SCD5: variants seen among roughly 807,000 people sequenced by gnomAD.
SCD5 encodes stearoyl-CoA desaturase 5.
A neutral mutation model predicts 30.4 loss-of-function variants in SCD5; 20 were observed. The ratio of observed to expected loss-of-function variants is 0.66; its 90% CI spans 0.46 to 0.96. The LOEUF is 0.96. SCD5 is among the 40% of genes least tolerant of loss of function. The pLI is 0.00. For missense variants in SCD5, 381 were observed against 443.3 expected, an observed-to-expected ratio of 0.86 and a Z score of 1.26; for synonymous variants, 173 against 176.4, an observed-to-expected ratio of 0.98 and a Z score of 0.16.
intron 1 of SCD5, among the ~76,000 whole-genome samples, chr4:82,786,207 G>A (rs1053932080): frequency 6.6e-5 from 10 of 152,168 alleles, no homozygotes; most frequent in Admixed American, 2.6e-4. Context: ...CTTACACAAC[G>A]GGTGGCCCAG....
intron 3 of SCD5, among the ~76,000 whole-genome samples, chr4:82,664,997 C>CTATATATATATA (rs1434283229): frequency 5.4e-4 from 43 of 79,380 alleles, no homozygotes; most frequent in African/African-American, 2.2e-3. Context: ...CTCTCTCTCT[C>CTATATATATATA]TCTATATATA....
At chr4:82,759,602 T>G (rs1721311170) in intron 1 of SCD5, among the ~76,000 whole-genome samples, 1 of 150,770 alleles carries the variant, frequency 6.6e-6, no homozygotes, top group Non-Finnish European at 1.5e-5. Flanking sequence ...CCACTTGATT[T>G]CAGGTGTTCC....
At position 82,630,121 on chromosome 4, in the gene SCD5, C is replaced by T. The variant is rs1727255123; in HGVS notation, c.*1206G>A. The T allele has an allele frequency of 6.6e-6, 1 of 152,152 alleles. No homozygotes were observed. The highest frequency in any genetic ancestry group is 2.4e-5 in the African/African-American group (1 of 41,430). The allele number at this position is 152,152 out of a possible 1,614,324, so 9.4% of individuals were successfully genotyped here. ...ATGTCTGGCATGTCAGAGTTATACA[C>T]CTTTAAGATAACAATAGCAAACAGA... On this transcript the variant is annotated 3_prime_UTR_variant, in exon 5 of 5. Coordinates refer to ENST00000319540, the MANE Select transcript of SCD5 (RefSeq NM_001037582.3).
At chr4:82,712,364 C>T (rs1720129537) in intron 1 of SCD5, among the ~76,000 whole-genome samples, 1 of 136,686 alleles carries the variant, frequency 7.3e-6, no homozygotes, top group Non-Finnish European at 1.6e-5. Context: ...TCCGCCCAGG[C>T]TGGAGTGCAA....
intron 1 of SCD5, among the ~76,000 whole-genome samples, chr4:82,796,261 C>A (rs1259511175): frequency 6.9e-6 from 1 of 144,572 alleles, no homozygotes; most frequent in Non-Finnish European, 1.5e-5. Context: ...CAGAGCGAGA[C>A]TCTGTCTCAA....
intron 2 of SCD5, among the ~76,000 whole-genome samples, chr4:82,701,160 A>G (rs181851936): frequency 6.6e-6 from 1 of 152,364 alleles, no homozygotes; most frequent in Admixed American, 6.5e-5. Context: ...GAAGTGGTAC[A>G]GTGTTATTTG....
At chr4:82,795,809 C>CAA (rs72115040) in intron 1 of SCD5, among the ~76,000 whole-genome samples, 2,598 of 43,862 alleles carry the variant, frequency 0.059, 742 homozygotes, top group African/African-American at 0.14. Context: ...CCCTGTCTCA[C>CAA]AAAAAAAAAA....
intron 1 of SCD5, among the ~76,000 whole-genome samples, chr4:82,723,585 T>C (rs1171063769): frequency 6.6e-6 from 1 of 152,250 alleles, no homozygotes; most frequent in Non-Finnish European, 1.5e-5. Context: ...TGATAAAGCT[T>C]AAAAATTAAA....
intron 1 of SCD5, among the ~76,000 whole-genome samples, chr4:82,776,684 G>C (rs866669364): frequency 2.0e-5 from 3 of 152,170 alleles, no homozygotes. Flanking sequence ...CAAGACACCA[G>C]AGGCATTTCT....
At chr4:82,683,928 A>G (rs1463087905) in intron 2 of SCD5, among the ~76,000 whole-genome samples, 2 of 152,182 alleles carry the variant, frequency 1.3e-5, no homozygotes, top group African/African-American at 2.4e-5. Flanking sequence ...TCTTTTCTTT[A>G]TAGATTACCC....
chr4:82,770,505 T>C (rs1044847696), intron 1 of SCD5, among the ~76,000 whole-genome samples: 3 of 152,242 alleles, frequency 2.0e-5, no homozygotes, highest in Non-Finnish European at 2.9e-5. Flanking sequence ...GTTGCATTTC[T>C]AGGGATTTCA....
At chr4:82,793,637 T>C (rs75245386) in intron 1 of SCD5, among the ~76,000 whole-genome samples, 4,129 of 152,254 alleles carry the variant, frequency 0.027, 63 homozygotes, top group Middle Eastern at 0.031. Context: ...CCAATAATAA[T>C]GACAGTGAAT....
At chr4:82,719,508 CT>C (rs10635133) in intron 1 of SCD5, among the ~76,000 whole-genome samples, 46 of 142,184 alleles carry the variant, frequency 3.2e-4, no homozygotes, top group Non-Finnish European at 4.1e-4. Context: ...ATATGATTTT[CT>C]TTTTTTTTTT....
intron 1 of SCD5, among the ~76,000 whole-genome samples, chr4:82,767,100 G>A (rs1721508880): frequency 6.8e-6 from 1 of 146,612 alleles, no homozygotes; most frequent in Admixed American, 6.6e-5. Flanking sequence ...CCAGACCTGT[G>A]GGGTTGTTCC....
At chr4:82,722,964 C>T (rs1720400772) in intron 1 of SCD5, among the ~76,000 whole-genome samples, 1 of 150,562 alleles carries the variant, frequency 6.6e-6, no homozygotes, top group South Asian at 2.1e-4. Context: ...GTAATCTCAG[C>T]TACTCAGGAG....
rs564172176 is a variant in SCD5, at chr4:82,699,137, T to TC, written c.363+6145dup. ...ATGTATTTGAATCATCTTAAAACCA[T>TC]CCCCCCACCCTGCCATCTATGGAAA... On this transcript the variant is annotated intron_variant, in intron 2 of 4. Transcript: ENST00000319540. 2.5e-3 allele frequency among the ~76,000 whole-genome samples: 372 copies of TC among 151,836 alleles called. 1 individual carries two copies. The highest frequency in any genetic ancestry group is 4.2e-3 in the Non-Finnish European group (284 of 67,942).
At chr4:82,711,706 A>T (rs1720091081) in intron 1 of SCD5, among the ~76,000 whole-genome samples, 3 of 50,244 alleles carry the variant, frequency 6.0e-5, no homozygotes, top group Admixed American at 4.7e-4. Flanking sequence ...ACCTTGTCTT[A>T]AAAAAAAAAA....
intron 2 of SCD5, among the ~76,000 whole-genome samples, chr4:82,699,113 T>G (rs933347188): frequency 2.6e-5 from 4 of 152,160 alleles, no homozygotes; most frequent in Admixed American, 6.5e-5. Flanking sequence ...ATGAATGTTA[T>G]GTATTTGAAT....
At chr4:82,697,773 T>C (rs1429826582) in intron 2 of SCD5, among the ~76,000 whole-genome samples, 4 of 152,338 alleles carry the variant, frequency 2.6e-5, no homozygotes, top group South Asian at 4.1e-4. Flanking sequence ...TCTTGCTCTC[T>C]CGCTCACCTG....
Sources: allele counts gnomAD v4.1 joint callset (sites outside exome capture counted in the v4.1 genomes callset), GRCh38; gene constraint gnomAD v4.1.1; transcripts MANE v1.5; gene names NCBI Gene and HGNC (gene_info 2026-07-23, HGNC 2026-07-21).